The following SUMF1 variants were observed in gnomAD, a reference collection of about 807,000 sequenced individuals.
SUMF1 encodes formylglycine-generating enzyme.
Under a neutral mutation model 47.6 loss-of-function variants are expected in SUMF1, and 48 were observed. The observed-to-expected ratio is 1.01, with a 90% CI of 0.80 to 1.28. The LOEUF is 1.28. SUMF1 is among the 50% of genes most tolerant of loss of function. The pLI, the probability that SUMF1 is intolerant of heterozygous loss-of-function variation, is 0.00. For synonymous variants in SUMF1, 230 were observed against 192.1 expected (o/e 1.20, Z -1.63); for missense variants, 571 against 485.4 (o/e 1.18, Z -1.66).
chr3:4,109,686 C>T (rs1248699038), intron 8 of SUMF1, among the ~76,000 whole-genome samples: 2 of 152,080 alleles, frequency 1.3e-5, no homozygotes, highest in African/African-American at 2.4e-5. Context: ...GATCTTCCAT[C>T]ACTGATACCC....
At chr3:4,324,923 A>G (rs1343983164) in intron 8 of SUMF1, among the ~76,000 whole-genome samples, 1 of 152,150 alleles carries the variant, frequency 6.6e-6, no homozygotes, top group African/African-American at 2.4e-5. Flanking sequence ...AAAGAAAAAG[A>G]GGTTTAATGG....
At chr3:4,064,844 A>G (rs1695342530) in intron 9 of SUMF1, among the ~76,000 whole-genome samples, 1 of 152,308 alleles carries the variant, frequency 6.6e-6, no homozygotes, top group Middle Eastern at 3.4e-3. Context: ...CAAGTGCTAA[A>G]TTTCTTTGCT....
intron 8 of SUMF1, among the ~76,000 whole-genome samples, chr3:4,092,536 G>A (rs1359785282): frequency 6.6e-6 from 1 of 152,110 alleles, no homozygotes; most frequent in Non-Finnish European, 1.5e-5. Flanking sequence ...TTTCCTAAGT[G>A]AAGAAAACTT....
intron 9 of SUMF1, among the ~76,000 whole-genome samples, chr3:4,055,938 C>T (rs945730069): frequency 6.6e-6 from 1 of 152,142 alleles, no homozygotes; most frequent in Non-Finnish European, 1.5e-5. Flanking sequence ...TCTTGACCAT[C>T]TTCCTCTATC....
chr3:4,422,547 GGTA>G (rs1193798112), intron 3 of SUMF1, among the ~76,000 whole-genome samples: 2 of 151,162 alleles, frequency 1.3e-5, no homozygotes, highest in East Asian at 3.9e-4. Flanking sequence ...TGGGTATTTG[GGTA>G]GTTTCCAGTT....
chr3:4,267,333 C>T (rs1268478213), intron 8 of SUMF1, among the ~76,000 whole-genome samples: 96 of 152,202 alleles, frequency 6.3e-4, no homozygotes, highest in Non-Finnish European at 1.9e-4. Context: ...TGGTAGAATT[C>T]GGCTGTGAAT....
At chr3:4,193,566 G>T (rs952467640) in intron 8 of SUMF1, among the ~76,000 whole-genome samples, 2 of 152,068 alleles carry the variant, frequency 1.3e-5, no homozygotes, top group Non-Finnish European at 2.9e-5. Flanking sequence ...CATCAGAATT[G>T]TATTACAGCA....
intron 8 of SUMF1, among the ~76,000 whole-genome samples, chr3:4,372,360 C>T (rs905449657): frequency 6.6e-6 from 1 of 152,150 alleles, no homozygotes; most frequent in African/African-American, 2.4e-5. Flanking sequence ...AAAAATAAGT[C>T]ATCATCTAAA....
At chr3:4,316,872 C>T (rs1698681376) in intron 8 of SUMF1, 1 of 1,549,462 alleles carries the variant, frequency 6.5e-7, no homozygotes. Flanking sequence ...GAAGTATGCT[C>T]AGGAAATCGA....
chr3:4,232,595 C>A (rs1242812), intron 8 of SUMF1, among the ~76,000 whole-genome samples: 89,463 of 151,288 alleles, frequency 0.59, 26,899 homozygotes, highest in African/African-American at 0.67. Context: ...GCTTGCTTGC[C>A]GCCAAAAGAA....
intron 1 of SUMF1, among the ~76,000 whole-genome samples, chr3:4,465,499 AAAAG>A (rs972088785): frequency 1.2e-4 from 18 of 152,088 alleles, no homozygotes; most frequent in Non-Finnish European, 2.2e-4. Context: ...AAGAAAAGAA[AAAAG>A]AAAGAGAGAT....
rs150490735 is a variant in SUMF1 at position 4,188,196 on chromosome 3, G to C, written c.1015-119451C>G. Among the ~76,000 whole-genome samples the C allele has an allele frequency of 5.3e-3, 786 of 147,804 alleles. 2 individuals carry two copies. The highest frequency in any genetic ancestry group is 8.0e-3 in the Admixed American group (118 of 14,792). ...AGGGTTCACTTTTTTTTTTTTTTGA[G>C]ACAGAGTCTCACTCTGTTACGCAGG... On this transcript the variant is annotated intron_variant and NMD_transcript_variant, in intron 8 of 12. Transcript: ENST00000448413.
intron 9 of SUMF1, among the ~76,000 whole-genome samples, chr3:4,055,161 A>G (rs317527): frequency 0.99 from 150,351 of 152,254 alleles, 74,268 homozygotes; most frequent in Middle Eastern, 1. Context: ...AAAAGGCGTT[A>G]AGAATAGTTG....
chr3:4,151,462 T>C (rs989503176), intron 8 of SUMF1, among the ~76,000 whole-genome samples: 1 of 143,340 alleles, frequency 7.0e-6, no homozygotes, highest in African/African-American at 2.6e-5. Flanking sequence ...TACATGTGTA[T>C]ATATGTATAT....
chr3:4,341,033 C>G (rs1699261784), intron 8 of SUMF1, among the ~76,000 whole-genome samples: 1 of 151,846 alleles, frequency 6.6e-6, no homozygotes, highest in Non-Finnish European at 1.5e-5. Context: ...CTTTTGCCAT[C>G]AGGGAGTGCA....
intron 8 of SUMF1, among the ~76,000 whole-genome samples, chr3:4,245,568 G>T (rs1028807661): frequency 6.6e-6 from 1 of 152,108 alleles, no homozygotes; most frequent in Non-Finnish European, 1.5e-5. Context: ...ACCAGCAGAG[G>T]CTGCAGAACA....
At chr3:4,456,714 A>C (rs1400067515) in intron 1 of SUMF1, among the ~76,000 whole-genome samples, 1 of 134,014 alleles carries the variant, frequency 7.5e-6, no homozygotes, top group Non-Finnish European at 1.6e-5. Flanking sequence ...ACGTATATAT[A>C]TACATATATA....
rs529661179 is a variant in SUMF1, at chr3:4,205,842, G to A, written c.1015-137097C>T. Reference sequence around the variant, plus strand: ...GAAAGGTGATGCAAGCATCCCTATGGCCACTACCACTGGGGATGTGCTGGG... The same window carrying A: ...GAAAGGTGATGCAAGCATCCCTATGACCACTACCACTGGGGATGTGCTGGG... On this transcript the variant is annotated intron_variant and NMD_transcript_variant, in intron 8 of 12. Coordinates refer to the SUMF1 transcript ENST00000448413. Among the ~76,000 whole-genome samples, 9 of 152,160 alleles carry A rather than the reference G, an allele frequency of 5.9e-5. No individual in the cohort carries two copies. In the South Asian group the frequency reaches 1.9e-3, roughly 32 times the overall value.
intron 8 of SUMF1, among the ~76,000 whole-genome samples, chr3:4,116,460 G>C (rs764679726): frequency 1.3e-5 from 2 of 152,096 alleles, no homozygotes; most frequent in Non-Finnish European, 2.9e-5. Flanking sequence ...TTGCTAGATG[G>C]AGGTGTGAAG....
Sources: allele counts gnomAD v4.1 joint callset (sites outside exome capture counted in the v4.1 genomes callset), GRCh38; gene constraint gnomAD v4.1.1; transcripts MANE v1.5; gene names NCBI Gene and HGNC (gene_info 2026-07-23, HGNC 2026-07-21).